The following ELMO1 variants were observed in gnomAD, a reference collection of about 807,000 sequenced individuals.
ELMO1 encodes the protein engulfment and cell motility protein 1.
A neutral mutation model predicts 98.9 loss-of-function variants in ELMO1; 26 were observed. The ratio of observed to expected loss-of-function variants is 0.26; its 90% confidence interval spans 0.19 to 0.36. ELMO1 has a LOEUF of 0.36. ELMO1 is among the 10% of genes least tolerant of loss of function. The pLI, the probability that ELMO1 is intolerant of heterozygous loss-of-function variation, is 1.00. For missense variants in ELMO1, 627 were observed against 935.2 expected (o/e 0.67, Z 4.30); for synonymous variants, 346 against 346.0 (o/e 1.00, Z 0.00).
chr7:37,319,477 T>G lies in ELMO1; in HGVS notation c.79-3517A>C, dbSNP rs916073656. On this transcript the variant is annotated intron_variant, in intron 2 of 21. Transcript: ENST00000310758. ...CAACTCCTGCCATCAAATAGATCTT[T>G]GAGCGTACACCCCAATCTCATCACC... 2.6e-5 allele frequency among the ~76,000 whole-genome samples: 4 copies of G among 152,188 alleles called. No individual in the cohort carries two copies. The East Asian group carries it at 7.7e-4, about 29-fold the overall frequency.
chr7:37,033,897 C>T (rs967213895), intron 15 of ELMO1, among the ~76,000 whole-genome samples: 7 of 152,060 alleles, frequency 4.6e-5, no homozygotes, highest in African/African-American at 9.7e-5. Flanking sequence ...AGGGAGGAAG[C>T]GAACAGTTAG....
chr7:37,430,604 C>G (rs1174158091), intron 1 of ELMO1, among the ~76,000 whole-genome samples: 2 of 152,254 alleles, frequency 1.3e-5, no homozygotes, highest in African/African-American at 4.8e-5. Flanking sequence ...TTCTTTGCAT[C>G]TCTGAGCTCA....
At chr7:37,300,893 G>C (rs1016325726) in intron 4 of ELMO1, among the ~76,000 whole-genome samples, 1 of 152,094 alleles carries the variant, frequency 6.6e-6, no homozygotes, top group African/African-American at 2.4e-5. Flanking sequence ...GAAGCCATCT[G>C]GTCCTGGACT....
chr7:37,107,365 T>C (rs1406798189), intron 14 of ELMO1, among the ~76,000 whole-genome samples: 1 of 152,190 alleles, frequency 6.6e-6, no homozygotes, highest in East Asian at 1.9e-4. Flanking sequence ...GAGTTCAACC[T>C]TGAAGAAGAA....
chr7:37,032,373 T>C (rs913380213), intron 15 of ELMO1, among the ~76,000 whole-genome samples: 28 of 152,178 alleles, frequency 1.8e-4, no homozygotes, highest in African/African-American at 6.3e-4. Context: ...CAGATATACT[T>C]TGGAGGCCTA....
intron 4 of ELMO1, among the ~76,000 whole-genome samples, chr7:37,279,531 G>A (rs1797029872): frequency 6.6e-6 from 1 of 152,156 alleles, no homozygotes; most frequent in African/African-American, 2.4e-5. Context: ...TGTGGAAGTA[G>A]GAAAGGGAGA....
Position 36,929,040 on chromosome 7 carries a change from G to C in ELMO1, c.1438-34023C>G, listed in dbSNP as rs562086337. Among the ~76,000 whole-genome samples, 15 of 152,320 alleles carry C rather than the reference G, an allele frequency of 9.8e-5. No individual in the cohort carries two copies. In the South Asian group the frequency reaches 3.1e-3, roughly 32 times the overall value. On this transcript the variant is annotated intron_variant, in intron 16 of 21. Transcript: ENST00000310758. The stretch of plus-strand genomic sequence containing the variant: ...CTGCCCTAATAGTGGAGATTACTAA[G>C]AAAGGGCAGTTGAGAGAGGTTAAGA...
chr7:37,278,008 A>T (rs1796936209), intron 4 of ELMO1, among the ~76,000 whole-genome samples: 1 of 152,030 alleles, frequency 6.6e-6, no homozygotes, highest in South Asian at 2.1e-4. Context: ...AGTTTCCACC[A>T]ATCCAAACTG....
At chr7:36,944,067 T>C (rs889932126) in intron 16 of ELMO1, among the ~76,000 whole-genome samples, 5 of 152,238 alleles carry the variant, frequency 3.3e-5, no homozygotes, top group African/African-American at 1.2e-4. Flanking sequence ...CCACCTGGTA[T>C]TGCCACAAGA....
chr7:36,978,255 G>C (rs1011351609), intron 16 of ELMO1, among the ~76,000 whole-genome samples: 3 of 151,614 alleles, frequency 2.0e-5, no homozygotes, highest in Non-Finnish European at 4.4e-5. Flanking sequence ...TAGAGCCCCA[G>C]GAAGCCACAC....
intron 4 of ELMO1, among the ~76,000 whole-genome samples, chr7:37,284,702 T>C (rs1183799682): frequency 6.6e-6 from 1 of 152,096 alleles, no homozygotes; most frequent in Non-Finnish European, 1.5e-5. Flanking sequence ...TCAAATTCTA[T>C]GAATTTATCC....
At chr7:37,360,551 T>C (rs1256152161) in intron 1 of ELMO1, among the ~76,000 whole-genome samples, 1 of 152,186 alleles carries the variant, frequency 6.6e-6, no homozygotes, top group Non-Finnish European at 1.5e-5. Flanking sequence ...CATAACTTTT[T>C]AGAGAAAAAT....
chr7:37,000,530 A>AT (rs545542326), intron 16 of ELMO1, among the ~76,000 whole-genome samples: 1 of 152,192 alleles, frequency 6.6e-6, no homozygotes, highest in Admixed American at 6.5e-5. Flanking sequence ...AGGGGGATGC[A>AT]TTTTTTCCCC....
At chr7:37,045,804 G>C (rs373334577) in intron 15 of ELMO1, among the ~76,000 whole-genome samples, 2 of 152,156 alleles carry the variant, frequency 1.3e-5, no homozygotes, top group South Asian at 4.1e-4. Context: ...TTCATGCAAT[G>C]CTTCAGAGTT....
At chr7:37,015,198 G>T (rs533677058) in intron 15 of ELMO1, among the ~76,000 whole-genome samples, 2 of 152,070 alleles carry the variant, frequency 1.3e-5, no homozygotes, top group East Asian at 3.9e-4. Flanking sequence ...AGTCCTGTAG[G>T]AAGAGTCCGG....
chr7:37,222,603 A>G lies in ELMO1; in HGVS notation c.780+12T>C. ...CTTGACATAGCCATAAGACTAAAGA[A>G]ATGCAACTTACCTGCCTCCTCTCAT... On this transcript the variant is annotated intron_variant, in intron 10 of 21. Transcript: ENST00000310758. The G allele has an allele frequency of 1.9e-6, 3 of 1,613,612 alleles. No homozygotes were observed. Among genetic ancestry groups the G allele is most frequent in the Non-Finnish European group, 2.5e-6 (3 of 1,179,600 alleles).
chr7:37,161,272 C>A (rs1053840418), intron 13 of ELMO1, among the ~76,000 whole-genome samples: 1 of 152,134 alleles, frequency 6.6e-6, no homozygotes, highest in African/African-American at 2.4e-5. Flanking sequence ...CTTCAGATGT[C>A]ATTCATGTGA....
chr7:37,377,751 C>A (rs959148182), intron 1 of ELMO1, among the ~76,000 whole-genome samples: 1 of 152,100 alleles, frequency 6.6e-6, no homozygotes, highest in Non-Finnish European at 1.5e-5. Flanking sequence ...CCATTGAACC[C>A]CCTCCTCCAA....
intron 13 of ELMO1, among the ~76,000 whole-genome samples, chr7:37,177,130 A>G (rs903754407): frequency 6.6e-6 from 1 of 152,168 alleles, no homozygotes; most frequent in Non-Finnish European, 1.5e-5. Context: ...CCAATTAGAC[A>G]CTCTCAGAAT....
Sources: allele counts gnomAD v4.1 joint callset (sites outside exome capture counted in the v4.1 genomes callset), GRCh38; gene constraint gnomAD v4.1.1; transcripts MANE v1.5; gene names NCBI Gene and HGNC (gene_info 2026-07-23, HGNC 2026-07-21).